HDAC9: variants seen among roughly 807,000 people sequenced by gnomAD.
HDAC9 encodes MEF-2 interacting transcription repressor (MITR) protein.
HDAC9 carries 41 observed loss-of-function variants against 139.4 expected under a neutral mutation model. That is an observed-to-expected ratio of 0.29 (90% CI 0.23 to 0.38). HDAC9 has a LOEUF of 0.38. HDAC9 is among the 10% of genes least tolerant of loss of function. HDAC9 has a pLI of 1.00. For missense variants in HDAC9, 1,147 were observed against 1,297.0 expected (o/e 0.88, Z 1.78); for synonymous variants, 517 against 476.2 (o/e 1.09, Z -1.12).
chr7:18,534,493 G>T (rs908008338), intron 2 of HDAC9, among the ~76,000 whole-genome samples: 5 of 152,184 alleles, frequency 3.3e-5, no homozygotes, highest in African/African-American at 1.2e-4. Context: ...GCTGAAGTGA[G>T]CTATGATTGT....
intron 2 of HDAC9, among the ~76,000 whole-genome samples, chr7:18,166,383 T>C (rs543079391): frequency 2.1e-4 from 32 of 152,338 alleles, no homozygotes; most frequent in African/African-American, 7.2e-4. Flanking sequence ...AGCAAGATCT[T>C]ATATTCTGTT....
In HDAC9 at chr7:18,526,354, T is replaced by C. The variant is rs550682380; in HGVS notation, c.22+30030T>C. Among the ~76,000 whole-genome samples the C allele has an allele frequency of 9.8e-5, 15 of 152,292 alleles. No individual in the cohort carries two copies. The East Asian group carries it at 2.9e-3, about 29-fold the overall frequency. On this transcript the variant is annotated intron_variant, in intron 2 of 25. Transcript: ENST00000686413. The stretch of plus-strand genomic sequence containing the variant: ...AAAGTAAACTATTAGAAATTAATGG[T>C]CACTACCTATAAAGATAGCAAAATA...
intron 2 of HDAC9, among the ~76,000 whole-genome samples, chr7:18,279,627 G>A (rs1175467343): frequency 6.6e-6 from 1 of 151,752 alleles, no homozygotes; most frequent in Non-Finnish European, 1.5e-5. Context: ...CACCACAGCT[G>A]GCTAATTTTT....
chr7:18,676,977 G>A (rs1054948674), intron 12 of HDAC9, among the ~76,000 whole-genome samples: 1 of 151,630 alleles, frequency 6.6e-6, no homozygotes. Context: ...GTGATTTTTA[G>A]TCTACTTTTT....
chr7:18,539,046 T>C (rs1811849353), intron 2 of HDAC9, among the ~76,000 whole-genome samples: 3 of 152,122 alleles, frequency 2.0e-5, no homozygotes, highest in Non-Finnish European at 4.4e-5. Context: ...GATGACCTTA[T>C]CTCATCTTAA....
At chr7:18,674,971 T>C in intron 12 of HDAC9, among the ~76,000 whole-genome samples, 1 of 151,988 alleles carries the variant, frequency 6.6e-6, no homozygotes, top group South Asian at 2.1e-4. Context: ...CTAGCATACA[T>C]TTTTAGATAA....
At chr7:18,272,543 A>G (rs1796419273) in intron 2 of HDAC9, among the ~76,000 whole-genome samples, 1 of 152,184 alleles carries the variant, frequency 6.6e-6, no homozygotes, top group South Asian at 2.1e-4. Flanking sequence ...CAGTTACAAA[A>G]TGCAATGGAA....
chr7:18,732,894 C>CACACACACGTGTATGTATGTGTAT (rs1786380624), intron 13 of HDAC9, among the ~76,000 whole-genome samples: 4 of 39,360 alleles, frequency 1.0e-4, no homozygotes, highest in African/African-American at 4.9e-4. Context: ...CGTATGTGTA[C>CACACACACGTGTATGTATGTGTAT]ACACACACGT....
At chr7:18,530,035 G>T (rs1808353299) in intron 2 of HDAC9, among the ~76,000 whole-genome samples, 1 of 152,058 alleles carries the variant, frequency 6.6e-6, no homozygotes. Flanking sequence ...ATTTGGGGGG[G>T]TGTGGCAGGA....
intron 19 of HDAC9, among the ~76,000 whole-genome samples, chr7:18,832,958 AT>A (rs1466620967): frequency 6.6e-6 from 1 of 152,054 alleles, no homozygotes; most frequent in Non-Finnish European, 1.5e-5. Flanking sequence ...CTGGTCTCGA[AT>A]TCCCAACCTC....
chr7:18,584,253 GC>G (rs1828759399), intron 2 of HDAC9, among the ~76,000 whole-genome samples: 1 of 143,176 alleles, frequency 7.0e-6, no homozygotes. Context: ...CCATTCTCCT[GC>G]CTCAGCTGGG....
chr7:18,107,017 C>T (rs963369139), intron 1 of HDAC9, among the ~76,000 whole-genome samples: 4 of 152,066 alleles, frequency 2.6e-5, no homozygotes, highest in Non-Finnish European at 5.9e-5. Context: ...TTTGAGTGTG[C>T]ATGTAAGTGT....
intron 2 of HDAC9, among the ~76,000 whole-genome samples, chr7:18,513,269 A>T (rs1380360320): frequency 1.3e-5 from 2 of 152,218 alleles, no homozygotes; most frequent in Non-Finnish European, 2.9e-5. Context: ...AAGTGGTTCT[A>T]AACTAGGTGA....
At chr7:18,847,482 T>C (rs1407997795) in intron 21 of HDAC9, among the ~76,000 whole-genome samples, 2 of 152,286 alleles carry the variant, frequency 1.3e-5, no homozygotes, top group South Asian at 4.1e-4. Flanking sequence ...GATTCTGTAA[T>C]AAGGAGGATT....
At chr7:18,903,333 G>A (rs1375037565) in intron 22 of HDAC9, among the ~76,000 whole-genome samples, 2 of 152,172 alleles carry the variant, frequency 1.3e-5, no homozygotes, top group Non-Finnish European at 2.9e-5. Flanking sequence ...CATAGTTTAC[G>A]TAAAATACTT....
chr7:18,437,773 G>T (rs1419230598), intron 1 of HDAC9, among the ~76,000 whole-genome samples: 1 of 151,218 alleles, frequency 6.6e-6, no homozygotes, highest in Non-Finnish European at 1.5e-5. Flanking sequence ...TAAAAGTTTA[G>T]TCCCAAAAAT....
chr7:18,098,395 G>A (rs968055168), intron 1 of HDAC9, among the ~76,000 whole-genome samples: 2 of 152,178 alleles, frequency 1.3e-5, no homozygotes, highest in African/African-American at 4.8e-5. Context: ...GTTGAAATCA[G>A]CTCTGCTGAC....
At chr7:18,342,235 T>C (rs1782073128) in intron 1 of HDAC9, among the ~76,000 whole-genome samples, 1 of 151,832 alleles carries the variant, frequency 6.6e-6, no homozygotes, top group Non-Finnish European at 1.5e-5. Context: ...AACGCTTTGG[T>C]GTTGTCAGAC....
intron 2 of HDAC9, among the ~76,000 whole-genome samples, chr7:18,547,857 T>TTCCTTCCCCCCC (rs1563229989): frequency 8.4e-6 from 1 of 118,458 alleles, no homozygotes; most frequent in African/African-American, 3.9e-5. Flanking sequence ...CCTTCCTTCC[T>TTCCTTCCCCCCC]ACCCTCCCTC....
Sources: allele counts gnomAD v4.1 joint callset (sites outside exome capture counted in the v4.1 genomes callset), GRCh38; gene constraint gnomAD v4.1.1; transcripts MANE v1.5; gene names NCBI Gene and HGNC (gene_info 2026-07-23, HGNC 2026-07-21).